Variants in SCART1 observed in about 807,000 individuals in gnomAD.
SCART1 encodes scavenger receptor family member expressed on T cells 1.
Under a neutral mutation model 36.2 loss-of-function variants are expected in SCART1, and 62 were observed. The observed-to-expected ratio is 1.71, with a 90% CI of 1.40 to 2.12. The LOEUF is 2.12. SCART1 is among the 30% of genes most tolerant of loss of function. The pLI is 0.00. For synonymous variants in SCART1, 487 were observed against 238.7 expected (o/e 2.04, Z -9.59); for missense variants, 1,041 against 540.5 (o/e 1.93, Z -9.18).
At chr10:133,454,033 C>T (rs1564832557) in exon 1 of SCART1, 1 of 702,994 alleles carries the variant, frequency 1.4e-6, no homozygotes, top group African/African-American at 1.7e-5. Context: ...GACTCGGGCC[C>T]CTTCTTCTGA....
At position 133,467,365 on chromosome 10, in the gene SCART1, C is replaced by T. The variant is rs992746966; in HGVS notation, c.2962+12C>T. The T allele has an allele frequency of 5.7e-6, 4 of 697,430 alleles. No individual in the cohort carries two copies. The highest frequency in any genetic ancestry group is 1.0e-5 in the Non-Finnish European group (4 of 382,330). 43.2% of individuals were successfully genotyped at this position (697,430 alleles called of 1,614,324 possible). A position where few individuals can be genotyped will look rare whatever the true frequency, so the allele number is the denominator to read the frequency against. On this transcript the variant is annotated intron_variant, in intron 11 of 11. Transcript: ENST00000640237. ...CACAGAAGCCGCAGGTGGGTTTGTGCTCCAGCTCAGGGGTGAGCTCTGGGG... is the reference window on the plus strand; with the variant it reads ...CACAGAAGCCGCAGGTGGGTTTGTGTTCCAGCTCAGGGGTGAGCTCTGGGG...
chr10:133,466,682 C>G (rs1850769135), intron 10 of SCART1, among the ~76,000 whole-genome samples: 1 of 152,192 alleles, frequency 6.6e-6, no homozygotes, highest in African/African-American at 2.4e-5. Context: ...ACTTATATAC[C>G]TCAGGGGAAG....
intron 9 of SCART1, 24 bp downstream of exon 9, chr10:133,465,589 C>T (rs1353357947): frequency 1.1e-5 from 6 of 569,928 alleles, no homozygotes; most frequent in Non-Finnish European, 1.8e-5. Flanking sequence ...GGTGGGAAGT[C>T]GGTCATGGGG....
chr10:133,457,598 C>T (rs1850635521), intron 3 of SCART1, 23 bp downstream of exon 3: 1 of 669,120 alleles, frequency 1.5e-6, no homozygotes, highest in Non-Finnish European at 2.7e-6. Flanking sequence ...CCTGATGTTC[C>T]CAGTGACCCT....
At chr10:133,465,122 G>T (rs1301000122) in exon 8 of SCART1, 1 of 703,070 alleles carries the variant, frequency 1.4e-6, no homozygotes, top group Non-Finnish European at 2.6e-6. Context: ...CAGAGGACAG[G>T]CCACAGGCTG....
intron 9 of SCART1, 105 bp from the exon 10 acceptor site, chr10:133,466,130 C>G: frequency 1.6e-6 from 1 of 639,032 alleles, no homozygotes; most frequent in Non-Finnish European, 2.8e-6. Context: ...CGCAGGTCCT[C>G]CATGAGGGAG....
intron 5 of SCART1, 70 bp downstream of exon 5, chr10:133,459,396 CAG>C (rs1850664975): frequency 1.6e-6 from 1 of 614,122 alleles, no homozygotes; most frequent in Non-Finnish European, 2.9e-6. Context: ...CAAGGAAGGA[CAG>C]AGGGGGCGGA....
At chr10:133,468,122 C>T in exon 12 of SCART1, 1 of 550,504 alleles carries the variant, frequency 1.8e-6, no homozygotes, top group Admixed American at 3.0e-5. Flanking sequence ...CCAGGCCCTG[C>T]CTGGCTCTAA....
At chr10:133,456,169 G>A (rs1038269905) in intron 1 of SCART1, 68 bp from the exon 2 acceptor site, 25 of 655,248 alleles carry the variant, frequency 3.8e-5, no homozygotes, top group Admixed American at 3.4e-4. Flanking sequence ...CCCTGCTGCC[G>A]CGGCTGCCAT....
At position 133,455,174 on chromosome 10, in the gene SCART1, C is replaced by T. The variant is rs139795561; in HGVS notation, c.68-1063C>T. ...TCCCGCTACATGGGAGGCTGAGGCA[C>T]GAGAATCAGTTCAACCCTGGAGGTG... is the stretch of plus-strand genomic sequence containing the variant. On this transcript the variant is annotated intron_variant, in intron 1 of 11. Coordinates refer to ENST00000640237, the Ensembl canonical transcript of SCART1. Among the ~76,000 whole-genome samples the T allele has an allele frequency of 9.7e-3, 1,480 of 152,162 alleles. 25 individuals carry two copies. Among genetic ancestry groups the T allele is most frequent in the African/African-American group, 0.032 (1,347 of 41,482 alleles).
exon 5 of SCART1, chr10:133,459,117 T>G (rs981573682): frequency 4.3e-6 from 3 of 702,660 alleles, no homozygotes; most frequent in Non-Finnish European, 7.8e-6. Flanking sequence ...CACTGGGACA[T>G]AGCAGATGCC....
chr10:133,457,610 G>A (rs563438789), intron 3 of SCART1, 35 bp downstream of exon 3: 6 of 646,794 alleles, frequency 9.3e-6, no homozygotes, highest in Non-Finnish European at 1.7e-5. Context: ...AGTGACCCTT[G>A]GGATGATGCT....
exon 2 of SCART1, chr10:133,456,302 C>T (rs1181331140): frequency 1.0e-5 from 7 of 702,956 alleles, no homozygotes; most frequent in African/African-American, 1.7e-5. Flanking sequence ...GTTGGTCCGA[C>T]ACCACGGGGC....
intron 6 of SCART1, among the ~76,000 whole-genome samples, chr10:133,460,496 A>ATATATATATTTTTTTT: frequency 1.5e-5 from 2 of 136,016 alleles, no homozygotes; most frequent in Non-Finnish European, 3.2e-5. Flanking sequence ...ATATTTATAT[A>ATATATATATTTTTTTT]TTTTAAAAAA....
At chr10:133,467,900 G>A (rs1850781479) in exon 12 of SCART1, 2 of 700,624 alleles carry the variant, frequency 2.9e-6, no homozygotes, top group Non-Finnish European at 2.6e-6. Context: ...TGCGGAGGGA[G>A]GACACAGCAG....
intron 6 of SCART1, among the ~76,000 whole-genome samples, chr10:133,462,531 T>C: frequency 6.6e-6 from 1 of 152,202 alleles, no homozygotes; most frequent in Admixed American, 6.5e-5. Flanking sequence ...CCATCGTGAA[T>C]GCGTAACATA....
At chr10:133,464,475 C>G in intron 6 of SCART1, 131 bp from the exon 7 acceptor site, 1 of 588,934 alleles carries the variant, frequency 1.7e-6, no homozygotes, top group South Asian at 2.1e-5. Flanking sequence ...TTTAAATTTT[C>G]TGAAGAAGCT....
At chr10:133,457,605 C>A in intron 3 of SCART1, 30 bp downstream of exon 3, 1 of 650,692 alleles carries the variant, frequency 1.5e-6, no homozygotes, top group Non-Finnish European at 2.8e-6. Flanking sequence ...TTCCCAGTGA[C>A]CCTTGGGATG....
chr10:133,463,899 A>G (rs1475678142), intron 6 of SCART1, among the ~76,000 whole-genome samples: 4 of 152,184 alleles, frequency 2.6e-5, no homozygotes, highest in African/African-American at 9.7e-5. Flanking sequence ...CTACAGTGCT[A>G]TAGAATGCTA....
Sources: allele counts gnomAD v4.1 joint callset (sites outside exome capture counted in the v4.1 genomes callset), GRCh38; gene constraint gnomAD v4.1.1; transcripts MANE v1.5; gene names NCBI Gene and HGNC (gene_info 2026-07-23, HGNC 2026-07-21).